PLCB1: variants seen among roughly 807,000 people sequenced by gnomAD.
PLCB1 encodes the protein phospholipase C beta 1, also known as 1-phosphatidylinositol 4,5-bisphosphate phosphodiesterase beta-1.
In PLCB1, 46 loss-of-function variants were observed where a neutral mutation model predicts 161.8. The observed-to-expected ratio is 0.28, with a 90% CI of 0.22 to 0.36. PLCB1 has a LOEUF of 0.36. Among genes scored for constraint, PLCB1 ranks in the 10% least tolerant of loss-of-function variants. PLCB1 has a pLI of 1.00. For missense variants in PLCB1, 1,016 were observed against 1,472.5 expected (o/e 0.69, Z 5.07); for synonymous variants, 517 against 503.7 (o/e 1.03, Z -0.35).
At chr20:8,792,981 G>C (rs891866581) in intron 31 of PLCB1, among the ~76,000 whole-genome samples, 10 of 152,188 alleles carry the variant, frequency 6.6e-5, no homozygotes, top group African/African-American at 2.4e-4. Flanking sequence ...TGATGCTCCT[G>C]TAACTGTGGG....
intron 31 of PLCB1, among the ~76,000 whole-genome samples, chr20:8,855,541 C>T (rs1987040827): frequency 6.6e-6 from 1 of 152,148 alleles, no homozygotes; most frequent in Non-Finnish European, 1.5e-5. Flanking sequence ...CTAATTTCCC[C>T]ATTCACATTC....
rs1324134091 is a variant in PLCB1 at position 8,539,618 on chromosome 20, TTCTTTC to T, written c.247-88674_247-88669del. 5.3e-3 allele frequency among the ~76,000 whole-genome samples: 302 copies of T among 56,762 alleles called. 1 individual carries two copies. The highest frequency in any genetic ancestry group is 0.021 in the African/African-American group (241 of 11,640). The allele number at this position is 56,762 out of a possible 152,430, so 37.2% of individuals were successfully genotyped here. ...TAGATACTTGCCTCTTTTCTTTATTTTCTTTCTTTCTTTCTTTCTTTCTTTCTTTCT... is the reference window on the plus strand; with the variant it reads ...TAGATACTTGCCTCTTTTCTTTATTTTTTCTTTCTTTCTTTCTTTCTTTCT... On this transcript the variant is annotated intron_variant, in intron 3 of 31. Coordinates refer to ENST00000338037, the MANE Select transcript of PLCB1 (RefSeq NM_015192.4).
At chr20:8,512,026 T>A (rs543314933) in intron 3 of PLCB1, among the ~76,000 whole-genome samples, 2 of 152,176 alleles carry the variant, frequency 1.3e-5, no homozygotes, top group African/African-American at 2.4e-5. Context: ...TGTATGATCA[T>A]TATTTTAAAC....
At position 8,580,196 on chromosome 20, in the gene PLCB1, G is replaced by A. The variant is rs149617730; in HGVS notation, c.247-48098G>A. 3.3e-5 allele frequency among the ~76,000 whole-genome samples: 5 copies of A among 152,266 alleles called. No individual in the cohort carries two copies. The East Asian group carries it at 9.6e-4, about 29-fold the overall frequency. On this transcript the variant is annotated intron_variant, in intron 3 of 31. Transcript: ENST00000338037. ...TTCCAGTGTCAGCGAACTCCAAACT[G>A]GGGTGGCCCCACATGTCAAAGCATC... is the stretch of plus-strand genomic sequence containing the variant.
At chr20:8,371,480 G>C (rs1986902281) in intron 3 of PLCB1, 30 bp downstream of exon 3, 10 of 1,480,380 alleles carry the variant, frequency 6.8e-6, no homozygotes, top group Non-Finnish European at 9.4e-6. Flanking sequence ...GCATGCACCA[G>C]ATGCTGCCTT....
chr20:8,134,170 G>A (rs1479432806), intron 1 of PLCB1, among the ~76,000 whole-genome samples: 1 of 152,172 alleles, frequency 6.6e-6, no homozygotes, highest in Non-Finnish European at 1.5e-5. Flanking sequence ...AAATGGAATA[G>A]AATCTAAACA....
chr20:8,539,633 T>TTTCTTTCC (rs776333748), intron 3 of PLCB1, among the ~76,000 whole-genome samples: 11,286 of 87,102 alleles, frequency 0.13, 992 homozygotes, highest in African/African-American at 0.18. Context: ...TCTTTCTTTC[T>TTTCTTTCC]TTCTTTCTTT....
At chr20:8,750,828 A>G in intron 23 of PLCB1, 1 of 1,364,632 alleles carries the variant, frequency 7.3e-7, no homozygotes, top group Non-Finnish European at 9.8e-7. Context: ...TGATGAAATT[A>G]TGAGACTCAC....
chr20:8,495,414 T>C (rs982873142), intron 3 of PLCB1, among the ~76,000 whole-genome samples: 2 of 98,130 alleles, frequency 2.0e-5, no homozygotes, highest in Non-Finnish European at 4.5e-5. Flanking sequence ...TTTTTTTTTT[T>C]TGAGACGGAG....
chr20:8,626,207 T>C (rs1222178806), intron 3 of PLCB1, among the ~76,000 whole-genome samples: 1 of 150,424 alleles, frequency 6.6e-6, no homozygotes, highest in Non-Finnish European at 1.5e-5. Context: ...AAAAGATATA[T>C]GAGCAACAAT....
intron 19 of PLCB1, among the ~76,000 whole-genome samples, chr20:8,736,568 A>G (rs1980597057): frequency 6.6e-6 from 1 of 152,214 alleles, no homozygotes; most frequent in Non-Finnish European, 1.5e-5. Flanking sequence ...TTTATAAAGA[A>G]AAGAGGTTTA....
chr20:8,498,788 G>A (rs543154011), intron 3 of PLCB1, among the ~76,000 whole-genome samples: 110 of 152,274 alleles, frequency 7.2e-4, no homozygotes, highest in African/African-American at 2.6e-3. Flanking sequence ...GCTGATGTAC[G>A]TCAGACTAAG....
chr20:8,768,852 C>G (rs1346776732), intron 26 of PLCB1, among the ~76,000 whole-genome samples: 2 of 152,212 alleles, frequency 1.3e-5, no homozygotes, highest in Non-Finnish European at 2.9e-5. Flanking sequence ...CAAACAGATG[C>G]ATGAAATAAA....
At chr20:8,472,887 T>A (rs1336993546) in intron 3 of PLCB1, among the ~76,000 whole-genome samples, 1 of 152,142 alleles carries the variant, frequency 6.6e-6, no homozygotes, top group African/African-American at 2.4e-5. Context: ...AAGTTTACAT[T>A]GTTGTTTACA....
chr20:8,384,592 G>A (rs1987366054), intron 3 of PLCB1, among the ~76,000 whole-genome samples: 1 of 152,072 alleles, frequency 6.6e-6, no homozygotes. Context: ...TCCTTTGGAG[G>A]AGAAGAGGCA....
At chr20:8,273,715 A>G (rs1386252342) in intron 2 of PLCB1, among the ~76,000 whole-genome samples, 1 of 152,198 alleles carries the variant, frequency 6.6e-6, no homozygotes, top group African/African-American at 2.4e-5. Context: ...TATTTCAAGA[A>G]GTTGATTTCC....
At chr20:8,278,640 G>A (rs913374921) in intron 2 of PLCB1, among the ~76,000 whole-genome samples, 3 of 151,972 alleles carry the variant, frequency 2.0e-5, no homozygotes, top group African/African-American at 7.2e-5. Flanking sequence ...ACCAGGAGAA[G>A]CTATCACTAT....
intron 3 of PLCB1, among the ~76,000 whole-genome samples, chr20:8,417,827 G>A (rs1031321488): frequency 3.3e-5 from 5 of 152,186 alleles, no homozygotes; most frequent in Non-Finnish European, 4.4e-5. Context: ...TTGTACTTGT[G>A]AATAATAATT....
At chr20:8,177,814 A>T (rs1473073832) in intron 2 of PLCB1, among the ~76,000 whole-genome samples, 1 of 152,088 alleles carries the variant, frequency 6.6e-6, no homozygotes, top group Non-Finnish European at 1.5e-5. Context: ...TACCCAATAG[A>T]TAGTTTTTCA....
Sources: gnomAD v4.1 joint callset for allele counts (sites outside exome capture counted in the v4.1 genomes callset) on GRCh38, gnomAD v4.1.1 for gene constraint, MANE v1.5 for transcripts, NCBI Gene and HGNC (gene_info 2026-07-23, HGNC 2026-07-21) for gene names.